The following FREM2 variants were observed in gnomAD, a reference collection of about 807,000 sequenced individuals.
FREM2 encodes FRAS1 related extracellular matrix 2.
A neutral mutation model predicts 219.9 loss-of-function variants in FREM2; 119 were observed. The observed-to-expected ratio is 0.54, with a 90% confidence interval of 0.47 to 0.63. FREM2 has a LOEUF of 0.63. FREM2 is among the 30% of genes least tolerant of loss of function. The pLI is 0.00. For synonymous variants in FREM2, 1,562 were observed against 1,522.8 expected (o/e 1.03, Z -0.60); for missense variants, 4,030 against 3,993.6 (o/e 1.01, Z -0.25).
intron 4 of FREM2, among the ~76,000 whole-genome samples, chr13:38,778,330 G>A (rs1338563587): frequency 1.3e-5 from 2 of 152,038 alleles, no homozygotes; most frequent in Admixed American, 6.6e-5. Flanking sequence ...CCCGGTGAGG[G>A]GCCTCTTTCT....
At chr13:38,807,929 A>G (rs544292975) in intron 6 of FREM2, among the ~76,000 whole-genome samples, 1 of 152,096 alleles carries the variant, frequency 6.6e-6, no homozygotes, top group East Asian at 2.0e-4. Flanking sequence ...CAGGCATTGA[A>G]TTCTCTTATT....
At chr13:38,832,927 T>TA (rs919449969) in intron 6 of FREM2, among the ~76,000 whole-genome samples, 1 of 152,042 alleles carries the variant, frequency 6.6e-6, no homozygotes, top group Non-Finnish European at 1.5e-5. Flanking sequence ...TAGTCCCAGC[T>TA]ACTCAGGAGG....
intron 6 of FREM2, among the ~76,000 whole-genome samples, chr13:38,813,498 C>T (rs1875588228): frequency 6.0e-5 from 1 of 16,696 alleles, no homozygotes; most frequent in African/African-American, 2.3e-4. Context: ...CTCTCTCTCT[C>T]TCTCTCTCTC....
intron 5 of FREM2, among the ~76,000 whole-genome samples, chr13:38,783,738 A>G (rs1384423342): frequency 6.6e-6 from 1 of 152,248 alleles, no homozygotes. Context: ...ATCAGAGTAG[A>G]CTTTTGTTAA....
chr13:38,757,333 C>G (rs1873052262), intron 2 of FREM2, among the ~76,000 whole-genome samples: 1 of 152,214 alleles, frequency 6.6e-6, no homozygotes, highest in South Asian at 2.1e-4. Context: ...CCATCTCCAC[C>G]TCCATGTAAT....
chr13:38,812,706 C>A (rs578236791), intron 6 of FREM2, among the ~76,000 whole-genome samples: 291 of 151,964 alleles, frequency 1.9e-3, no homozygotes, highest in African/African-American at 6.6e-3. Flanking sequence ...CATGGTGAAA[C>A]CCTGTCTCTA....
In FREM2 at chr13:38,884,764, A is replaced by G. The variant is rs1414395599; in HGVS notation, c.*3977A>G. ...GGAAACTATAAATACCAGTGCTATC[A>G]CAGCCACACATACACACACACAGAC... On this transcript the variant is annotated 3_prime_UTR_variant, in exon 24 of 24. Coordinates refer to ENST00000280481, the MANE Select transcript of FREM2 (RefSeq NM_207361.6). The G allele has an allele frequency of 6.6e-6, 1 of 152,178 alleles. No individual in the cohort carries two copies. The highest frequency in any genetic ancestry group is 2.4e-5 in the African/African-American group (1 of 41,460). The allele number at this position is 152,178 out of a possible 1,614,324, so 9.4% of individuals were successfully genotyped here. A position where few individuals can be genotyped will look rare whatever the true frequency, so the allele number is the denominator to read the frequency against.
At chr13:38,760,382 T>C (rs999167527) in intron 2 of FREM2, among the ~76,000 whole-genome samples, 3 of 152,214 alleles carry the variant, frequency 2.0e-5, no homozygotes, top group East Asian at 1.9e-4. Flanking sequence ...ACTTCGTCCT[T>C]TCAGAACATA....
At chr13:38,762,849 A>G (rs1873284222) in intron 2 of FREM2, among the ~76,000 whole-genome samples, 1 of 152,242 alleles carries the variant, frequency 6.6e-6, no homozygotes, top group Non-Finnish European at 1.5e-5. Context: ...TTACGAAGCT[A>G]CATTCACAGT....
At chr13:38,761,253 G>T (rs1435997847) in intron 2 of FREM2, among the ~76,000 whole-genome samples, 1 of 152,122 alleles carries the variant, frequency 6.6e-6, no homozygotes. Context: ...AGTCATAGGT[G>T]TTAGAATGGA....
Position 38,786,972 on chromosome 13 carries a change from C to G in FREM2, c.6019+2164C>G, listed in dbSNP as rs1874356690. Among the ~76,000 whole-genome samples the G allele has an allele frequency of 3.9e-5, 6 of 152,258 alleles. 1 individual carries two copies. The South Asian group carries it at 1.2e-3, about 32-fold the overall frequency. On this transcript the variant is annotated intron_variant, in intron 6 of 23. Transcript: ENST00000280481. ...ATTACTCCACCTTTAAAACGTGTCT[C>G]TAGTGGTAATGAGGTTGAGGAACCA... is the stretch of plus-strand genomic sequence containing the variant.
At chr13:38,805,329 G>A (rs1384192493) in intron 6 of FREM2, among the ~76,000 whole-genome samples, 1 of 151,876 alleles carries the variant, frequency 6.6e-6, no homozygotes, top group East Asian at 2.0e-4. Context: ...GAGGAAGGAG[G>A]AGAGGGATTG....
In FREM2 at chr13:38,769,892, T is replaced by A. The variant is rs191811443; in HGVS notation, c.5641+84T>A. Reference sequence around the variant, plus strand: ...CTTGTAGGGGTATAGCTTACAGTTTTAAATTCAATGTTTGAAATTTCCATA... The same window carrying A: ...CTTGTAGGGGTATAGCTTACAGTTTAAAATTCAATGTTTGAAATTTCCATA... On this transcript the variant is annotated intron_variant, in intron 4 of 23. Coordinates refer to ENST00000280481, the MANE Select transcript of FREM2 (RefSeq NM_207361.6). The A allele has an allele frequency of 5.6e-4, 548 of 984,560 alleles. 3 individuals carry two copies. The African/African-American group carries it at 7.5e-3, about 14-fold the overall frequency. The allele number at this position is 984,560 out of a possible 1,614,324, so 61.0% of individuals were successfully genotyped here.
intron 20 of FREM2, 112 bp downstream of exon 20, chr13:38,876,494 GA>G: frequency 1.1e-6 from 1 of 887,328 alleles, no homozygotes. Context: ...CTTGCATGCT[GA>G]AAAGAAAAGA....
rs773833901 is a variant in FREM2 at position 38,690,528 on chromosome 13, G to A, written c.3184G>A (p.Val1062Ile). 3.7e-6 allele frequency: 6 copies of A among 1,614,194 alleles called. No individual in the cohort carries two copies. In the Admixed American group the frequency reaches 5.0e-5, roughly 13 times the overall value. ...GVTIWVTILP[V>I]DSQAPEIFVG... ...TACTATATGGGTGACCATCCTGCCT[G>A]TTGATAGCCAGGCCCCAGAAATCTT... is the stretch of plus-strand genomic sequence containing the variant. Residue 1062 changes from valine to isoleucine, a missense_variant, in exon 1 of 24, where the codon GTT (valine) becomes ATT (isoleucine). By Grantham distance (29) the Val-to-Ile change is conservative (BLOSUM62 3). This residue lies in a region of FREM2 where 3,102 missense variants were observed against 2,950.7 expected (regional missense o/e 1.05). Transcript: ENST00000280481.
intron 6 of FREM2, among the ~76,000 whole-genome samples, chr13:38,842,634 C>G (rs1475250679): frequency 6.6e-6 from 1 of 152,200 alleles, no homozygotes; most frequent in Non-Finnish European, 1.5e-5. Context: ...ACAAAGCTTA[C>G]TTGAATGATG....
chr13:38,690,760 A>G lies in FREM2; in HGVS notation c.3416A>G (p.Lys1139Arg), dbSNP rs1297411311. 33 of 1,614,062 alleles carry G rather than the reference A, an allele frequency of 2.0e-5. No individual in the cohort carries two copies. The highest frequency in any genetic ancestry group is 2.8e-5 in the Non-Finnish European group (33 of 1,180,024). The change falls in exon 1 of 24, where the codon AAA (lysine) becomes AGA (arginine). Residue 1139 changes from lysine (K) to arginine (R), a missense_variant. Lys to Arg is a conservative substitution (Grantham distance 26). Coordinates refer to ENST00000280481, the MANE Select transcript of FREM2 (RefSeq NM_207361.6). The stretch of plus-strand genomic sequence containing the variant: ...ATTGCCATAAGTGCTTTCAACTTGA[A>G]AGATCTCAGGCAGGGCCACATAAAC... ...AGIAISAFNL[K>R]DLRQGHINYV...
intron 6 of FREM2, among the ~76,000 whole-genome samples, chr13:38,803,789 CT>C (rs1875115438): frequency 6.7e-6 from 1 of 149,954 alleles, no homozygotes; most frequent in Non-Finnish European, 1.5e-5. Flanking sequence ...ACATGGTGAG[CT>C]CTGTGGTAAA....
chr13:38,776,595 G>A (rs2137822455), intron 4 of FREM2, among the ~76,000 whole-genome samples: 1 of 152,202 alleles, frequency 6.6e-6, no homozygotes, highest in East Asian at 1.9e-4. Flanking sequence ...AATAAAGAAT[G>A]CATTCACTTT....
Sources: gnomAD v4.1 joint callset for allele counts (sites outside exome capture counted in the v4.1 genomes callset) on GRCh38, gnomAD v4.1.1 for gene constraint, gnomAD v4.1.1 regional missense constraint, MANE v1.5 for transcripts, NCBI Gene and HGNC (gene_info 2026-07-23, HGNC 2026-07-21) for gene names.